IL2RB: variants seen among roughly 807,000 people sequenced by gnomAD.
The protein encoded by IL2RB is interleukin-2 receptor subunit beta.
In IL2RB, 17 loss-of-function variants were observed where a neutral mutation model predicts 44.2. The observed-to-expected ratio is 0.38, with a 90% CI of 0.26 to 0.58. IL2RB has a LOEUF of 0.58. IL2RB is among the 20% of genes least tolerant of loss of function. The pLI is 0.63. For synonymous variants in IL2RB, 286 were observed against 297.9 expected, an observed-to-expected ratio of 0.96 and a Z score of 0.41; for missense variants, 624 against 685.5, an observed-to-expected ratio of 0.91 and a Z score of 1.00.
chr22:37,127,418 G>C lies in IL2RB; in HGVS notation c.*678C>G, dbSNP rs1255030243. ...CAAAACCGGCACTTGAAGAGTCAGG[G>C]AAGTTTGTCACCTAGATGAGGGGGA... is the stretch of plus-strand genomic sequence containing the variant. On this transcript the variant is annotated 3_prime_UTR_variant, in exon 10 of 10. Coordinates refer to ENST00000216223, the MANE Select transcript of IL2RB (RefSeq NM_000878.5). 1 of 152,300 alleles carries C rather than the reference G, an allele frequency of 6.6e-6. No homozygotes were observed. The highest frequency in any genetic ancestry group is 6.5e-5 in the Admixed American group (1 of 15,288). 9.4% of individuals were successfully genotyped at this position (152,300 alleles called of 1,614,324 possible).
Position 37,127,902 on chromosome 22 carries a change from C to T in IL2RB, c.*194G>A. 2.4e-6 allele frequency: 1 copy of T among 420,848 alleles called. No homozygotes were observed. Among genetic ancestry groups the T allele is most frequent in the Non-Finnish European group, 4.1e-6 (1 of 241,556 alleles). The allele number at this position is 420,848 out of a possible 1,614,324, so 26.1% of individuals were successfully genotyped here. On this transcript the variant is annotated 3_prime_UTR_variant, in exon 10 of 10. Coordinates refer to ENST00000216223, the MANE Select transcript of IL2RB (RefSeq NM_000878.5). The stretch of plus-strand genomic sequence containing the variant: ...ACAGTTCCTGGCTCGGGCAGCAGGA[C>T]CCGGGAGCAGCAGTGGAGGTTTGGA...
chr22:37,146,779 T>C (rs1347462861), intron 1 of IL2RB, among the ~76,000 whole-genome samples: 2 of 150,580 alleles, frequency 1.3e-5, no homozygotes, highest in African/African-American at 4.9e-5. Flanking sequence ...ATAAATGTAG[T>C]GAAATGAATG....
At position 37,139,288 on chromosome 22, in the gene IL2RB, C is replaced by G. The variant is rs2281093; in HGVS notation, c.283-66G>C. On this transcript the variant is annotated intron_variant, in intron 4 of 9. Coordinates refer to ENST00000216223, the MANE Select transcript of IL2RB (RefSeq NM_000878.5). ...TCAGGCAGGGGAAGGGGGAGGCCAC[C>G]GGGATGACCTGGGAAGGATGGCAGC... 0.27 allele frequency: 294,766 copies of G among 1,078,100 alleles called. 42,734 individuals carry two copies. The highest frequency in any genetic ancestry group is 0.35 in the African/African-American group (22,446 of 64,220). 66.8% of individuals were successfully genotyped at this position (1,078,100 alleles called of 1,614,324 possible). A position where few individuals can be genotyped will look rare whatever the true frequency, so the allele number is the denominator to read the frequency against.
At chr22:37,169,179 G>A (rs979169026) in intron 1 of IL2RB, among the ~76,000 whole-genome samples, 4 of 150,598 alleles carry the variant, frequency 2.7e-5, no homozygotes, top group Non-Finnish European at 5.9e-5. Context: ...ACAGAGAGGG[G>A]TTCTTACTTA....
rs188789866 is a variant in IL2RB at position 37,156,800 on chromosome 22, C to T, written c.-33-12595G>A. Among the ~76,000 whole-genome samples, 68 of 152,324 alleles carry T rather than the reference C, an allele frequency of 4.5e-4. 1 individual carries two copies. In the South Asian group the frequency reaches 5.4e-3, roughly 12 times the overall value. On this transcript the variant is annotated intron_variant, in intron 1 of 5. Coordinates refer to the IL2RB transcript ENST00000429622. ...GGGTGCCATTCACTGTCTCTGCCAC[C>T]GCCTGTCCTCTGCCATTGTGAAGAC...
In IL2RB at chr22:37,144,115, C is replaced by T. The variant is rs1035282252; in HGVS notation, c.58G>A (p.Ala20Thr). ...LPLLILLLPL[A>T]TSWASAAVNG... ...ACCGCTGCAGATGCCCAAGAGGTAG[C>T]CAGGGGCAGGAGGAGGATGAGGAGG... Residue 20 changes from alanine to threonine, a missense_variant, in exon 2 of 10, where the codon GCT becomes ACT. Transcript: ENST00000216223. 7 of 1,552,358 alleles carry T rather than the reference C, an allele frequency of 4.5e-6. No homozygotes were observed. The South Asian group carries it at 4.8e-5, about 11-fold the overall frequency.
At chr22:37,171,547 G>T (rs144299988) in intron 1 of IL2RB, among the ~76,000 whole-genome samples, 1 of 152,302 alleles carries the variant, frequency 6.6e-6, no homozygotes, top group Non-Finnish European at 1.5e-5. Flanking sequence ...AGGCAGTCAG[G>T]GTAGATGGAC....
At chr22:37,155,323 G>A (rs758137276) in intron 1 of IL2RB, among the ~76,000 whole-genome samples, 212 of 152,248 alleles carry the variant, frequency 1.4e-3, no homozygotes, top group Non-Finnish European at 1.8e-3. Flanking sequence ...TCCACTCAGC[G>A]GCCAGAGCAA....
At chr22:37,137,250 C>T (rs895299692) in intron 6 of IL2RB, among the ~76,000 whole-genome samples, 2 of 152,226 alleles carry the variant, frequency 1.3e-5, no homozygotes, top group Non-Finnish European at 2.9e-5. Flanking sequence ...CAGGCCCGCA[C>T]GGATGTGGAG....
intron 1 of IL2RB, among the ~76,000 whole-genome samples, chr22:37,148,696 C>T (rs1922344993): frequency 6.6e-6 from 1 of 152,128 alleles, no homozygotes; most frequent in African/African-American, 2.4e-5. Context: ...TCCCTACAGC[C>T]CCATGAGGAG....
chr22:37,138,967 C>T (rs1461791946), intron 5 of IL2RB, 150 bp downstream of exon 5: 33 of 603,430 alleles, frequency 5.5e-5, no homozygotes, highest in Non-Finnish European at 8.7e-5. Flanking sequence ...GGAGCCAGGA[C>T]GTCATCCCGA....
intron 1 of IL2RB, among the ~76,000 whole-genome samples, chr22:37,147,340 C>A (rs1922273938): frequency 6.6e-6 from 1 of 152,194 alleles, no homozygotes; most frequent in African/African-American, 2.4e-5. Flanking sequence ...GGGCAGACTG[C>A]CCAGTGCCCA....
chr22:37,130,938 G>A (rs1461771743), intron 9 of IL2RB, among the ~76,000 whole-genome samples: 3 of 152,206 alleles, frequency 2.0e-5, no homozygotes, highest in East Asian at 1.9e-4. Flanking sequence ...AGGCCGAGGC[G>A]GGCAGATCAC....
At chr22:37,155,638 C>A (rs769307076) in intron 1 of IL2RB, among the ~76,000 whole-genome samples, 16 of 152,234 alleles carry the variant, frequency 1.1e-4, no homozygotes, top group Admixed American at 2.6e-4. Context: ...CAGAGGACAT[C>A]CGATTCTCTC....
rs3218292 is a variant in IL2RB at position 37,137,490 on chromosome 22, G to C, written c.537+97C>G. 238,896 of 1,322,126 alleles carry C rather than the reference G, an allele frequency of 0.18. 22,866 individuals carry two copies. Among genetic ancestry groups the C allele is most frequent in the Admixed American group, 0.2 (11,182 of 55,434 alleles). The allele number at this position is 1,322,126 out of a possible 1,614,324, so 81.9% of individuals were successfully genotyped here. A position where few individuals can be genotyped will look rare whatever the true frequency, so the allele number is the denominator to read the frequency against. ...GACTCAGCCACCCACCATCCACCTG[G>C]GGCTGAGGGGACCTCGACACAATGA... On this transcript the variant is annotated intron_variant, in intron 6 of 9. Coordinates refer to ENST00000216223, the MANE Select transcript of IL2RB (RefSeq NM_000878.5).
chr22:37,137,443 A>G, intron 6 of IL2RB, 144 bp downstream of exon 6: 1 of 788,742 alleles, frequency 1.3e-6, no homozygotes, highest in Non-Finnish European at 2.1e-6. Flanking sequence ...AGGCAGCCCC[A>G]GGCAGTGCAG....
At chr22:37,170,089 A>AAGGAAGGATGG (rs1923228804) in intron 1 of IL2RB, among the ~76,000 whole-genome samples, 2 of 115,708 alleles carry the variant, frequency 1.7e-5, no homozygotes, top group Non-Finnish European at 3.3e-5. Context: ...AGGAAGGAAG[A>AAGGAAGGATGG]ATGGATGGAT....
chr22:37,136,525 C>T (rs1181448231), intron 6 of IL2RB, 132 bp from the exon 7 acceptor site: 2 of 995,270 alleles, frequency 2.0e-6, no homozygotes, highest in Admixed American at 2.4e-5. Context: ...AGCTCCCTCA[C>T]TACCCAGTTG....
intron 8 of IL2RB, among the ~76,000 whole-genome samples, chr22:37,133,495 C>T (rs571668856): frequency 5.9e-5 from 9 of 152,318 alleles, no homozygotes; most frequent in South Asian, 2.1e-4. Flanking sequence ...GCAATGGTAG[C>T]CCCTGACTCA....
Sources: allele counts gnomAD v4.1 joint callset (sites outside exome capture counted in the v4.1 genomes callset), GRCh38; gene constraint gnomAD v4.1.1; transcripts MANE v1.5; gene names NCBI Gene and HGNC (gene_info 2026-07-23, HGNC 2026-07-21).